Variants in DLG3 observed in about 807,000 individuals in gnomAD.
The protein encoded by DLG3 is disks large homolog 3.
Under a neutral mutation model 64.1 loss-of-function variants are expected in DLG3, and 1 was observed. That is an observed-to-expected ratio of 0.02 (90% CI 0.01 to 0.07). The LOEUF (loss-of-function observed/expected upper bound fraction) is 0.07, where lower values mean the gene tolerates loss of function less well. Ranked by LOEUF, DLG3 falls within the 10% of genes least tolerant of loss-of-function variation. DLG3 has a pLI of 1.00. For synonymous variants in DLG3, 245 were observed against 259.8 expected, an observed-to-expected ratio of 0.94 and a Z score of 0.55; for missense variants, 429 against 669.5, an observed-to-expected ratio of 0.64 and a Z score of 3.96.
chrX:70,488,253 G>A (rs753970941), intron 10 of DLG3, among the ~76,000 whole-genome samples: 9 of 111,255 alleles, frequency 8.1e-5, no homozygotes, highest in Non-Finnish European at 1.1e-4. Flanking sequence ...CTTGTGATCC[G>A]CCCGCCTCAG....
At chrX:70,463,778 CTG>C (rs1242474800) in intron 9 of DLG3, among the ~76,000 whole-genome samples, 4 of 111,922 alleles carry the variant, frequency 3.6e-5, no homozygotes, top group Non-Finnish European at 5.6e-5. Flanking sequence ...AATGAGGAGA[CTG>C]TGCAAAATGG....
chrX:70,455,330 T>C (rs183125336), intron 9 of DLG3: 2 of 752,200 alleles, frequency 2.7e-6, no homozygotes, highest in Admixed American at 8.7e-5. Flanking sequence ...GGCTCTGTTC[T>C]CAGCCTCTTT....
chrX:70,483,145 G>C (rs763797620), intron 10 of DLG3, among the ~76,000 whole-genome samples: 2 of 110,920 alleles, frequency 1.8e-5, no homozygotes, highest in Non-Finnish European at 3.8e-5. Flanking sequence ...TTAGCCAGGT[G>C]TGGTGGCATG....
In DLG3 at chrX:70,499,251, C is replaced by T; in HGVS notation, c.1946C>T (p.Pro649Leu). 6 of 1,209,555 alleles carry T rather than the reference C, an allele frequency of 5.0e-6. No homozygotes were observed. The highest frequency in any genetic ancestry group is 6.7e-6 in the Non-Finnish European group (6 of 893,703). The change falls in exon 15 of 19, where the codon CCA becomes CTA. Residue 649 changes from proline (P) to leucine (L), a missense_variant. Physicochemically the swap from Pro to Leu is moderately conservative, Grantham distance 98. Transcript: ENST00000374360. ...AATGATGACCTGATCTCCGAATTTC[C>T]ACATAAATTTGGATCCTGTGTGCCA... ...RVNDDLISEF[P>L]HKFGSCVPHT...
chrX:70,462,501 C>T (rs1174852529), intron 9 of DLG3, among the ~76,000 whole-genome samples: 1 of 110,846 alleles, frequency 9.0e-6, no homozygotes, highest in East Asian at 2.8e-4. Context: ...CCACCCACCT[C>T]GGCCTCCCAG....
intron 9 of DLG3, among the ~76,000 whole-genome samples, chrX:70,466,247 T>TTGTGTGTGTGTGTG (rs61083333): frequency 1.1e-4 from 9 of 84,446 alleles, no homozygotes; most frequent in Non-Finnish European, 1.8e-4. Context: ...TCTTGGTCAT[T>TTGTGTGTGTGTGTG]TGTGTGTGTG....
chrX:70,482,062 C>G (rs1465700389), intron 10 of DLG3, among the ~76,000 whole-genome samples: 1 of 112,197 alleles, frequency 8.9e-6, no homozygotes, highest in Non-Finnish European at 1.9e-5. Flanking sequence ...TTAATTGCCT[C>G]ACCCTATCAT....
chrX:70,446,037 T>C (rs1330710716), intron 1 of DLG3, among the ~76,000 whole-genome samples: 1 of 110,539 alleles, frequency 9.0e-6, no homozygotes, highest in African/African-American at 3.3e-5. Flanking sequence ...GAGGAGCCCA[T>C]GTGCCCGGCT....
intron 18 of DLG3, among the ~76,000 whole-genome samples, chrX:70,501,206 C>A (rs1030378237): frequency 9.0e-6 from 1 of 111,472 alleles, no homozygotes; most frequent in African/African-American, 3.3e-5. Flanking sequence ...TCACCAAATG[C>A]TTCCTTGAAT....
chrX:70,445,205 C>A lies in DLG3; in HGVS notation c.4C>A (p.His2Asn). 8.7e-7 allele frequency: 1 copy of A among 1,155,851 alleles called. No individual in the cohort carries two copies. The highest frequency in any genetic ancestry group is 2.6e-5 in the Admixed American group (1 of 38,940). The change falls in exon 1 of 19, where the codon CAC becomes AAC. Residue 2 changes from histidine (H) to asparagine (N), a missense_variant. His to Asn is a moderately conservative substitution (Grantham distance 68). This residue lies in a region of DLG3 where 123 missense variants were observed against 113.3 expected (regional missense o/e 1.09). Transcript: ENST00000374360. ...CCGAGCCGCGGGGGGCAGTGCCATG[C>A]ACAAGCACCAGCACTGCTGTAAGTG... is the stretch of plus-strand genomic sequence containing the variant. MHKHQHCCKCPE... is the reference protein window; with the variant it reads MNKHQHCCKCPE...
chrX:70,496,165 G>T (rs957116002), intron 13 of DLG3, among the ~76,000 whole-genome samples: 4 of 112,512 alleles, frequency 3.6e-5, no homozygotes, highest in African/African-American at 6.5e-5. Context: ...TGCGTGCAAG[G>T]GTGCACAGAC....
At chrX:70,448,999 G>C (rs1356566309) in intron 2 of DLG3, 36 bp downstream of exon 2, 28 of 1,182,582 alleles carry the variant, frequency 2.4e-5, no homozygotes, top group Non-Finnish European at 3.1e-5. Flanking sequence ...GAAAGGGAAG[G>C]AGAGGGTTGG....
At chrX:70,482,662 GTTTTTTTTT>G (rs774419870) in intron 10 of DLG3, among the ~76,000 whole-genome samples, 4 of 66,079 alleles carry the variant, frequency 6.1e-5, no homozygotes, top group African/African-American at 1.8e-4. Flanking sequence ...CATGTGTGGT[GTTTTTTTTT>G]TTTTTTTTTT....
chrX:70,445,806 A>G (rs2086560759), intron 1 of DLG3, among the ~76,000 whole-genome samples: 1 of 75,145 alleles, frequency 1.3e-5, no homozygotes, highest in African/African-American at 5.4e-5. Context: ...GGAGGGGCAC[A>G]TTTTCCTGTG....
chrX:70,450,766 CCCCTGACTACGCCAG>C lies in DLG3; in HGVS notation c.970_984del (p.Pro324_Ser328del). The C allele has an allele frequency of 8.3e-7, 1 of 1,211,657 alleles. No homozygotes were observed. The highest frequency in any genetic ancestry group is 3.0e-5 in the East Asian group (1 of 33,843). On this transcript the variant is annotated inframe_deletion and splice_region_variant, in exon 6 of 19. Transcript: ENST00000374360. ...CTCCACCTCAACGACATGTACGCTC[CCCCTGACTACGCCAG>C]CAGTACGTACTCATCAGCCCCTGTC... is the stretch of plus-strand genomic sequence containing the variant.
At chrX:70,496,562 T>C (rs1192359127) in intron 13 of DLG3, among the ~76,000 whole-genome samples, 1 of 112,626 alleles carries the variant, frequency 8.9e-6, no homozygotes, top group Non-Finnish European at 1.9e-5. Flanking sequence ...GGTTTTGTTG[T>C]CTGTGTTTTG....
chrX:70,482,957 G>T (rs1235253531), intron 10 of DLG3, among the ~76,000 whole-genome samples: 2 of 109,952 alleles, frequency 1.8e-5, no homozygotes, highest in Non-Finnish European at 3.8e-5. Context: ...ATGAGTCACC[G>T]CGCCCTGCCC....
chrX:70,503,806 A>T lies in DLG3; in HGVS notation c.*1537A>T. 1 of 111,085 alleles carries T rather than the reference A, an allele frequency of 9.0e-6. No homozygotes were observed. The highest frequency in any genetic ancestry group is 1.9e-5 in the Non-Finnish European group (1 of 52,917). 9.2% of individuals were successfully genotyped at this position (111,085 alleles called of 1,213,427 possible). On this transcript the variant is annotated 3_prime_UTR_variant, in exon 19 of 19. Transcript: ENST00000374360. Reference sequence around the variant, plus strand: ...TGTGATCAAGGGAATCTTCACCGCCACAAGTGCAGGCAGCAGGTGTGGTTC... The same window carrying T: ...TGTGATCAAGGGAATCTTCACCGCCTCAAGTGCAGGCAGCAGGTGTGGTTC...
At chrX:70,452,120 G>A in intron 7 of DLG3, 94 bp downstream of exon 7, 1 of 1,134,136 alleles carries the variant, frequency 8.8e-7, no homozygotes, top group South Asian at 1.9e-5. Context: ...CTTGTAGTAT[G>A]GCAAAGAAGA....
Sources: allele counts gnomAD v4.1 joint callset (sites outside exome capture counted in the v4.1 genomes callset), GRCh38; gene constraint gnomAD v4.1.1; regional missense constraint gnomAD v4.1.1; transcripts MANE v1.5; gene names NCBI Gene and HGNC (gene_info 2026-07-23, HGNC 2026-07-21).